SGCZ: variants seen among roughly 807,000 people sequenced by gnomAD.
The protein encoded by SGCZ is zeta-sarcoglycan.
In SGCZ, 40 loss-of-function variants were observed where a neutral mutation model predicts 41.3. The observed-to-expected ratio is 0.97, with a 90% confidence interval of 0.75 to 1.26. The LOEUF (loss-of-function observed/expected upper bound fraction) is 1.26. SGCZ is among the 50% of genes most tolerant of loss of function. The pLI, the probability that SGCZ is intolerant of heterozygous loss-of-function variation, is 0.00. For synonymous variants in SGCZ, 206 were observed against 137.5 expected, an observed-to-expected ratio of 1.50 and a Z score of -3.49; for missense variants, 552 against 369.8, an observed-to-expected ratio of 1.49 and a Z score of -4.04.
In SGCZ at chr8:14,995,483, A is replaced by G. The variant is rs149513048; in HGVS notation, c.39+242102T>C. On this transcript the variant is annotated intron_variant, in intron 1 of 7. Transcript: ENST00000382080. ...TGAAAGGACAGTGGTGTCATTAACT[A>G]AAGTACCAGGAGTTAGGACCACATC... Among the ~76,000 whole-genome samples the G allele has an allele frequency of 3.6e-4, 55 of 152,312 alleles. No individual in the cohort carries two copies. In the East Asian group the frequency reaches 0.01, roughly 28 times the overall value.
chr8:14,224,507 A>G (rs28684895), intron 4 of SGCZ, among the ~76,000 whole-genome samples: 5,374 of 152,256 alleles, frequency 0.035, 141 homozygotes, highest in African/African-American at 0.074. Context: ...AATCAGGGTC[A>G]CCATTTAGTA....
At chr8:15,144,817 G>A (rs995206768) in intron 1 of SGCZ, among the ~76,000 whole-genome samples, 1 of 152,182 alleles carries the variant, frequency 6.6e-6, no homozygotes, top group Admixed American at 6.5e-5. Flanking sequence ...AAGCAGCAGT[G>A]CTTAGGGACA....
Position 14,085,650 on chromosome 8 carries a change from G to C in SGCZ, c.*4793C>G, listed in dbSNP as rs1425258273. ...CAGTGAAAGTTGAAACTCAGCTGAG[G>C]AGATCCATGCTGGGCCCATTTTGGG... On this transcript the variant is annotated 3_prime_UTR_variant, in exon 8 of 8. Coordinates refer to ENST00000382080, the MANE Select transcript of SGCZ (RefSeq NM_139167.4). Among the ~76,000 whole-genome samples, 2 of 151,736 alleles carry C rather than the reference G, an allele frequency of 1.3e-5. No homozygotes were observed. The highest frequency in any genetic ancestry group is 4.8e-5 in the African/African-American group (2 of 41,380).
At chr8:14,768,686 G>C (rs957394118) in intron 1 of SGCZ, among the ~76,000 whole-genome samples, 1 of 152,076 alleles carries the variant, frequency 6.6e-6, no homozygotes, top group Non-Finnish European at 1.5e-5. Flanking sequence ...CACTTCAAGA[G>C]ATGCGGGAGT....
rs1800631468 is a variant in SGCZ, at chr8:14,452,771, T to C, written c.234+101961A>G. On this transcript the variant is annotated intron_variant, in intron 2 of 7. Coordinates refer to ENST00000382080, the MANE Select transcript of SGCZ (RefSeq NM_139167.4). ...AATATTCTGTTAAAAATAAAATTAA[T>C]TCAAAAGGCAGGAAGCATGAAACAT... Among the ~76,000 whole-genome samples, 3 of 152,000 alleles carry C rather than the reference T, an allele frequency of 2.0e-5. No homozygotes were observed. The South Asian group carries it at 6.2e-4, about 31-fold the overall frequency.
At position 14,787,332 on chromosome 8, in the gene SGCZ, C is replaced by T. The variant is rs56160513; in HGVS notation, c.40-232406G>A. On this transcript the variant is annotated intron_variant, in intron 1 of 7. Coordinates refer to ENST00000382080, the MANE Select transcript of SGCZ (RefSeq NM_139167.4). ...CCCAAACTTATATATGGGAGGCTAG[C>T]GGGAATCTGGTGCTTTATTTATTTC... Among the ~76,000 whole-genome samples, 322 of 151,882 alleles carry T rather than the reference C, an allele frequency of 2.1e-3. 1 individual carries two copies. The highest frequency in any genetic ancestry group is 6.8e-3 in the Middle Eastern group (2 of 294).
chr8:14,241,949 A>G (rs1411128952), intron 3 of SGCZ, among the ~76,000 whole-genome samples: 1 of 152,142 alleles, frequency 6.6e-6, no homozygotes, highest in Non-Finnish European at 1.5e-5. Context: ...CCTTCACTTT[A>G]TTTATAACAA....
intron 1 of SGCZ, among the ~76,000 whole-genome samples, chr8:15,164,447 T>C (rs1799595951): frequency 1.3e-5 from 2 of 152,114 alleles, no homozygotes; most frequent in Admixed American, 1.3e-4. Flanking sequence ...TGGGAGCCAC[T>C]GGCAGTCCCC....
At chr8:14,747,534 TCAA>T (rs1380271269) in intron 1 of SGCZ, among the ~76,000 whole-genome samples, 1 of 152,126 alleles carries the variant, frequency 6.6e-6, no homozygotes, top group African/African-American at 2.4e-5. Flanking sequence ...TTTGTGATTA[TCAA>T]CAAGAAAAAT....
intron 1 of SGCZ, among the ~76,000 whole-genome samples, chr8:14,683,746 T>G (rs561276553): frequency 3.3e-5 from 5 of 152,216 alleles, no homozygotes; most frequent in Admixed American, 1.3e-4. Flanking sequence ...TCAGTGAGCT[T>G]TTTCAAAAAA....
chr8:14,542,018 A>G (rs1395531565), intron 2 of SGCZ, among the ~76,000 whole-genome samples: 1 of 151,942 alleles, frequency 6.6e-6, no homozygotes, highest in Non-Finnish European at 1.5e-5. Context: ...TTCCTTGTAG[A>G]TTCTGGATAT....
chr8:14,971,318 A>G (rs1027236347), intron 1 of SGCZ, among the ~76,000 whole-genome samples: 3 of 152,142 alleles, frequency 2.0e-5, no homozygotes, highest in African/African-American at 7.2e-5. Flanking sequence ...CCGAATAGAA[A>G]TAATAGGAGC....
chr8:14,840,567 G>A (rs980974515), intron 1 of SGCZ, among the ~76,000 whole-genome samples: 14 of 152,050 alleles, frequency 9.2e-5, no homozygotes, highest in Non-Finnish European at 5.9e-5. Context: ...GACTAATGGA[G>A]GGGGAAATCA....
intron 1 of SGCZ, among the ~76,000 whole-genome samples, chr8:14,656,538 T>C (rs1585159057): frequency 7.2e-6 from 1 of 138,070 alleles, no homozygotes; most frequent in East Asian, 2.4e-4. Flanking sequence ...TTCTTTTTTC[T>C]TTCTTTCCCT....
intron 5 of SGCZ, among the ~76,000 whole-genome samples, chr8:14,144,577 T>C (rs1483298506): frequency 6.6e-6 from 1 of 152,188 alleles, no homozygotes; most frequent in African/African-American, 2.4e-5. Context: ...GGCAAAACTC[T>C]TTCTACTGGA....
chr8:14,186,460 C>T (rs114906832), intron 4 of SGCZ, among the ~76,000 whole-genome samples: 2,609 of 152,276 alleles, frequency 0.017, 77 homozygotes, highest in African/African-American at 0.059. Context: ...GAGATGTCAA[C>T]ATTTCTTAAA....
chr8:14,432,039 G>A (rs1401706662), intron 2 of SGCZ, among the ~76,000 whole-genome samples: 1 of 152,112 alleles, frequency 6.6e-6, no homozygotes, highest in African/African-American at 2.4e-5. Flanking sequence ...AATAGATGCT[G>A]GTATGGATGT....
Position 14,386,777 on chromosome 8 carries a change from T to C in SGCZ, c.235-62573A>G, listed in dbSNP as rs186944899. On this transcript the variant is annotated intron_variant, in intron 2 of 7. Coordinates refer to ENST00000382080, the MANE Select transcript of SGCZ (RefSeq NM_139167.4). The stretch of plus-strand genomic sequence containing the variant: ...CTTAGAAACAGAATACTAAAATCAA[T>C]GCCTATACATGCAAGACAGAATTAG... Among the ~76,000 whole-genome samples, 667 of 152,266 alleles carry C rather than the reference T, an allele frequency of 4.4e-3. 16 individuals are homozygous for C. The highest frequency in any genetic ancestry group is 0.028 in the Admixed American group (428 of 15,274).
At chr8:15,097,781 C>CGTGT (rs1217003499) in intron 1 of SGCZ, among the ~76,000 whole-genome samples, 1 of 91,792 alleles carries the variant, frequency 1.1e-5, no homozygotes, top group South Asian at 3.3e-4. Flanking sequence ...TATATATATA[C>CGTGT]GTGTATATAT....
Sources: allele counts gnomAD v4.1 joint callset (sites outside exome capture counted in the v4.1 genomes callset), GRCh38; gene constraint gnomAD v4.1.1; transcripts MANE v1.5; gene names NCBI Gene and HGNC (gene_info 2026-07-23, HGNC 2026-07-21).